The following NLGN4Y variants were observed in gnomAD, a reference collection of about 807,000 sequenced individuals.
NLGN4Y encodes neuroligin 4 Y-linked, also known as neuroligin-4, Y-linked.
A neutral mutation model predicts 8.4 loss-of-function variants in NLGN4Y; 4 were observed. The ratio of observed to expected loss-of-function variants is 0.48; its 90% CI spans 0.23 to 1.09. NLGN4Y has a LOEUF of 1.09. NLGN4Y is among the 50% of genes least tolerant of loss of function. The pLI is 0.19. For synonymous variants in NLGN4Y, 35 were observed against 75.6 expected, an observed-to-expected ratio of 0.46 and a Z score of 2.78; for missense variants, 90 against 192.3, an observed-to-expected ratio of 0.47 and a Z score of 3.15.
chrY:14,733,476 G>C (rs1354257706), intron 4 of NLGN4Y: 1 of 360,485 alleles, frequency 2.8e-6, no homozygotes, highest in Admixed American at 9.1e-5. Flanking sequence ...CGTTTGTGTG[G>C]GAGCTCAAAA....
chrY:14,587,454 C>G (rs17222244), intron 1 of NLGN4Y, among the ~76,000 whole-genome samples: 669 of 33,338 alleles, frequency 0.02, no homozygotes, highest in Non-Finnish European at 0.037. Flanking sequence ...TGGTGGAAAC[C>G]TGAGTGAAGC....
chrY:14,576,277 C>T (rs2080297883), intron 1 of NLGN4Y, among the ~76,000 whole-genome samples: 1 of 33,468 alleles, frequency 3.0e-5, no homozygotes, highest in Non-Finnish European at 7.4e-5. Flanking sequence ...CCTACTCAAG[C>T]CTGAGAAAGC....
At chrY:14,658,708 A>G (rs979491464) in intron 2 of NLGN4Y, among the ~76,000 whole-genome samples, 5 of 32,473 alleles carry the variant, frequency 1.5e-4, no homozygotes, top group Non-Finnish European at 3.8e-4. Flanking sequence ...GCTAAATTTT[A>G]TTTTTATTTA....
intron 1 of NLGN4Y, among the ~76,000 whole-genome samples, chrY:14,535,088 G>A: frequency 3.0e-5 from 1 of 33,276 alleles, no homozygotes; most frequent in Non-Finnish European, 7.4e-5. Flanking sequence ...CCTGTCTTAG[G>A]TAATGCTTTC....
intron 4 of NLGN4Y, among the ~76,000 whole-genome samples, chrY:14,783,268 A>G: frequency 3.0e-5 from 1 of 33,264 alleles, no homozygotes; most frequent in African/African-American, 1.2e-4. Flanking sequence ...ATTTTCTATT[A>G]TACCCCATGG....
At chrY:14,727,398 A>G in intron 4 of NLGN4Y, among the ~76,000 whole-genome samples, 1 of 33,437 alleles carries the variant, frequency 3.0e-5, no homozygotes, top group South Asian at 6.8e-4. Flanking sequence ...TCCTGATCTC[A>G]GCAGTCAAGA....
intron 1 of NLGN4Y, among the ~76,000 whole-genome samples, chrY:14,599,311 C>T (rs913008873): frequency 2.0e-4 from 6 of 30,196 alleles, no homozygotes; most frequent in Admixed American, 1.6e-3. Flanking sequence ...AGCTGAGGAG[C>T]GAGGAAGCCA....
chrY:14,712,211 T>G (rs2080901831), intron 2 of NLGN4Y, among the ~76,000 whole-genome samples: 2 of 33,308 alleles, frequency 6.0e-5, no homozygotes, highest in Non-Finnish European at 1.5e-4. Context: ...AATCGAACTT[T>G]CCTGTCAAAA....
chrY:14,822,741 C>T, intron 4 of NLGN4Y, among the ~76,000 whole-genome samples: 2 of 34,137 alleles, frequency 5.9e-5, no homozygotes, highest in Admixed American at 5.3e-4. Flanking sequence ...ATGAACAAAC[C>T]GTGTCAAAGA....
chrY:14,526,012 A>G (rs2080092039), intron 1 of NLGN4Y, among the ~76,000 whole-genome samples: 1 of 33,852 alleles, frequency 3.0e-5, no homozygotes, highest in Non-Finnish European at 7.3e-5. Flanking sequence ...TTCTTCTCCA[A>G]CTAGAAATTA....
intron 4 of NLGN4Y, among the ~76,000 whole-genome samples, chrY:14,782,931 G>A: frequency 3.0e-5 from 1 of 33,732 alleles, no homozygotes; most frequent in South Asian, 6.6e-4. Flanking sequence ...CATTGGAACT[G>A]ATGAAGAGAA....
At chrY:14,748,971 T>G in intron 4 of NLGN4Y, among the ~76,000 whole-genome samples, 1 of 29,568 alleles carries the variant, frequency 3.4e-5, no homozygotes, top group Non-Finnish European at 8.0e-5. Context: ...TTTTTGGTAT[T>G]TTTCACTTTT....
At chrY:14,839,816 A>G (rs2043208857) in intron 6 of NLGN4Y, among the ~76,000 whole-genome samples, 1 of 33,956 alleles carries the variant, frequency 2.9e-5, no homozygotes, top group Non-Finnish European at 7.3e-5. Flanking sequence ...TGAGTAAGAA[A>G]GAGAATGCCC....
At chrY:14,536,184 CATAG>C (rs2080131732) in intron 1 of NLGN4Y, among the ~76,000 whole-genome samples, 1 of 26,005 alleles carries the variant, frequency 3.8e-5, no homozygotes, top group African/African-American at 1.5e-4. Context: ...GCAATTTACA[CATAG>C]ATACATACAT....
chrY:14,527,202 C>A (rs2080096845), intron 1 of NLGN4Y, among the ~76,000 whole-genome samples: 1 of 34,076 alleles, frequency 2.9e-5, no homozygotes, highest in African/African-American at 1.1e-4. Context: ...TGGTACTCCA[C>A]ACTTCAAACC....
intron 4 of NLGN4Y, among the ~76,000 whole-genome samples, chrY:14,731,942 C>T (rs2150559583): frequency 1.2e-4 from 4 of 33,256 alleles, no homozygotes. Flanking sequence ...AAGGTCATAT[C>T]AACCAATGGT....
chrY:14,701,195 GCACACACACACACA>G (rs371313575), intron 2 of NLGN4Y, among the ~76,000 whole-genome samples: 2 of 22,246 alleles, frequency 9.0e-5, no homozygotes, highest in African/African-American at 1.7e-4. Flanking sequence ...GCATGCACAC[GCACACACACACACA>G]CACACACACA....
At chrY:14,637,478 T>C (rs915611270) in intron 2 of NLGN4Y, among the ~76,000 whole-genome samples, 1 of 33,937 alleles carries the variant, frequency 2.9e-5, no homozygotes, top group Non-Finnish European at 7.3e-5. Context: ...ATTTTTTATT[T>C]TTTGGCAAAT....
intron 4 of NLGN4Y, among the ~76,000 whole-genome samples, chrY:14,731,894 A>C (rs924359111): frequency 9.3e-4 from 29 of 31,026 alleles, no homozygotes; most frequent in Admixed American, 1.5e-3. Context: ...TTTCCCCCCC[A>C]AAAAAAATGG....
Sources: gnomAD v4.1 joint callset for allele counts (sites outside exome capture counted in the v4.1 genomes callset) on GRCh38, gnomAD v4.1.1 for gene constraint, MANE v1.5 for transcripts, NCBI Gene and HGNC (gene_info 2026-07-23, HGNC 2026-07-21) for gene names.